Variants in IFNG-AS1 observed in about 807,000 individuals in gnomAD.
IFNG-AS1 encodes IFNG regulatory antisense RNA 1.
chr12:67,999,275 C>A (rs556079933), intron 2 of IFNG-AS1, among the ~76,000 whole-genome samples: 4 of 152,214 alleles, frequency 2.6e-5, no homozygotes, highest in Admixed American at 6.5e-5. Context: ...CTAGCTTTGT[C>A]TGATGAGAGG....
intron 3 of IFNG-AS1, among the ~76,000 whole-genome samples, chr12:68,010,340 C>A (rs1188881971): frequency 1.3e-5 from 2 of 152,188 alleles, no homozygotes; most frequent in Non-Finnish European, 2.9e-5. Flanking sequence ...CTCACTAAGC[C>A]ACATGAATAT....
At chr12:68,020,084 G>A (rs899225804) in intron 4 of IFNG-AS1, 4 of 152,186 alleles carry the variant, frequency 2.6e-5, no homozygotes, top group African/African-American at 9.7e-5. Context: ...ATTAGAAAAG[G>A]GTAAAGGATG....
At chr12:67,989,460 G>A (rs1427039454), upstream of IFNG-AS1, 4 of 152,144 alleles carry the variant, frequency 2.6e-5, no homozygotes. Context: ...ATTTCAGGTA[G>A]CTTTTCTGAC....
intron 3 of IFNG-AS1, among the ~76,000 whole-genome samples, chr12:68,016,993 A>G (rs4913391): frequency 0.1 from 15,342 of 152,178 alleles, 1,388 homozygotes; most frequent in African/African-American, 0.25. Flanking sequence ...GTAACCACAT[A>G]TAAGTGTAAC....
At chr12:68,017,033 T>C (rs574986628) in intron 3 of IFNG-AS1, among the ~76,000 whole-genome samples, 1 of 152,010 alleles carries the variant, frequency 6.6e-6, no homozygotes, top group African/African-American at 2.4e-5. Flanking sequence ...AAGAACAGAG[T>C]GCCCTACAAG....
chr12:68,001,435 G>T, intron 2 of IFNG-AS1: 1 of 237,502 alleles, frequency 4.2e-6, no homozygotes, highest in Non-Finnish European at 8.6e-6. Flanking sequence ...TCCTCTTGGA[G>T]TCGTAGGTGC....
At chr12:67,990,786 G>T (rs113904231) in intron 1 of IFNG-AS1, among the ~76,000 whole-genome samples, 4,428 of 152,070 alleles carry the variant, frequency 0.029, 228 homozygotes, top group African/African-American at 0.1. Flanking sequence ...TAGAGATGGG[G>T]TTTCCCTATG....
chr12:68,014,005 A>G (rs1216582500), intron 3 of IFNG-AS1, among the ~76,000 whole-genome samples: 2 of 152,142 alleles, frequency 1.3e-5, no homozygotes, highest in Non-Finnish European at 2.9e-5. Flanking sequence ...GCACCCTCAT[A>G]GCTTAGCTCC....
At chr12:68,019,060 G>T (rs547781608) in intron 3 of IFNG-AS1, among the ~76,000 whole-genome samples, 2 of 152,180 alleles carry the variant, frequency 1.3e-5, no homozygotes, top group Non-Finnish European at 2.9e-5. Context: ...TTGATTAAGC[G>T]TTTGGGTCTC....
intron 3 of IFNG-AS1, among the ~76,000 whole-genome samples, chr12:68,010,353 C>G (rs1203709719): frequency 2.0e-5 from 3 of 152,180 alleles, no homozygotes; most frequent in African/African-American, 7.2e-5. Flanking sequence ...ATGAATATAT[C>G]CATGGTTTTC....
chr12:67,993,135 G>A (rs1750449978), intron 1 of IFNG-AS1, among the ~76,000 whole-genome samples: 1 of 152,132 alleles, frequency 6.6e-6, no homozygotes, highest in Admixed American at 6.5e-5. Flanking sequence ...AAGCATCAAG[G>A]TTCTGGGGCT....
chr12:68,013,902 A>G (rs1037909894), intron 3 of IFNG-AS1, among the ~76,000 whole-genome samples: 4 of 152,124 alleles, frequency 2.6e-5, no homozygotes, highest in Non-Finnish European at 4.4e-5. Flanking sequence ...CGAGCAGTGT[A>G]CACTGCACCC....
intron 3 of IFNG-AS1, among the ~76,000 whole-genome samples, chr12:68,009,679 A>G (rs1392382896): frequency 6.6e-6 from 1 of 152,082 alleles, no homozygotes; most frequent in Non-Finnish European, 1.5e-5. Flanking sequence ...ACACACCAGA[A>G]GTTGGTTTCT....
intron 3 of IFNG-AS1, among the ~76,000 whole-genome samples, chr12:68,014,420 C>G (rs1592829227): frequency 6.6e-6 from 1 of 152,304 alleles, no homozygotes; most frequent in East Asian, 1.9e-4. Flanking sequence ...TGGAAGTGTT[C>G]CCTGATCACT....
intron 2 of IFNG-AS1, among the ~76,000 whole-genome samples, chr12:67,997,113 T>G (rs1262745668): frequency 6.6e-6 from 1 of 151,876 alleles, no homozygotes; most frequent in Admixed American, 6.6e-5. Context: ...AACACTTAAA[T>G]AAACTTAAAA....
chr12:68,019,770 T>C lies in IFNG-AS1; in HGVS notation n.242-92T>C, dbSNP rs541465398. On this transcript the variant is annotated intron_variant and non_coding_transcript_variant, in intron 3 of 5. Transcript: ENST00000536914. ...AACAAATTGGGGTTTTGAAATTTAC[T>C]GTTTAGAACCTTCCACTGATCCAGA... The C allele has an allele frequency of 2.0e-5, 3 of 152,342 alleles. No individual in the cohort carries two copies. In the South Asian group the frequency reaches 6.2e-4, roughly 32 times the overall value. The allele number at this position is 152,342 out of a possible 1,614,324, so 9.4% of individuals were successfully genotyped here. A position where few individuals can be genotyped will look rare whatever the true frequency, so the allele number is the denominator to read the frequency against.
intron 2 of IFNG-AS1, among the ~76,000 whole-genome samples, chr12:68,005,514 C>T (rs1879887589): frequency 6.6e-6 from 1 of 152,194 alleles, no homozygotes; most frequent in Non-Finnish European, 1.5e-5. Flanking sequence ...CAAATCAAAA[C>T]AATGATCCTT....
intron 2 of IFNG-AS1, among the ~76,000 whole-genome samples, chr12:68,002,365 C>T (rs892028158): frequency 6.6e-6 from 1 of 152,188 alleles, no homozygotes; most frequent in Non-Finnish European, 1.5e-5. Context: ...TGGACTCTCC[C>T]CATAAATAGT....
intron 2 of IFNG-AS1, among the ~76,000 whole-genome samples, chr12:67,999,422 G>A (rs999801840): frequency 2.0e-5 from 3 of 152,172 alleles, no homozygotes; most frequent in Non-Finnish European, 2.9e-5. Flanking sequence ...GGAAAGTACT[G>A]TGTAAGATTA....
Sources: allele counts gnomAD v4.1 joint callset (sites outside exome capture counted in the v4.1 genomes callset), GRCh38; gene constraint gnomAD v4.1.1; transcripts MANE v1.5; gene names NCBI Gene and HGNC (gene_info 2026-07-23, HGNC 2026-07-21).